RAMAC: variants seen among roughly 807,000 people sequenced by gnomAD.
RAMAC encodes RNA guanine-N7 methyltransferase activating subunit.
In RAMAC, 11 loss-of-function variants were observed where a neutral mutation model predicts 17.9. The ratio of observed to expected loss-of-function variants is 0.61; its 90% CI spans 0.39 to 1.02. RAMAC has a LOEUF of 1.02. Among genes scored for constraint, RAMAC ranks in the 50% least tolerant of loss-of-function variants. The pLI is 0.01. For missense variants in RAMAC, 109 were observed against 144.0 expected (o/e 0.76, Z 1.25); for synonymous variants, 27 against 48.4 (o/e 0.56, Z 1.84).
At chr15:82,989,302 AG>A in intron 3 of RAMAC, 114 bp downstream of exon 3, 1 of 925,294 alleles carries the variant, frequency 1.1e-6, no homozygotes, top group Non-Finnish European at 1.6e-6. Context: ...TGGCATACCT[AG>A]TACCTAATAA....
At chr15:82,986,866 T>G (rs1348060876) in intron 1 of RAMAC, among the ~76,000 whole-genome samples, 1 of 152,240 alleles carries the variant, frequency 6.6e-6, no homozygotes, top group Non-Finnish European at 1.5e-5. Flanking sequence ...TGTAGCTTCT[T>G]GCTCTTGAGA....
At chr15:82,986,610 T>G (rs2030622675) in intron 1 of RAMAC, among the ~76,000 whole-genome samples, 1 of 152,128 alleles carries the variant, frequency 6.6e-6, no homozygotes, top group South Asian at 2.1e-4. Context: ...AACGCAGTTG[T>G]TTTCAGTCTG....
At chr15:82,989,236 A>G in intron 3 of RAMAC, 48 bp downstream of exon 3, 3 of 1,590,666 alleles carry the variant, frequency 1.9e-6, no homozygotes, top group Non-Finnish European at 2.6e-6. Flanking sequence ...GGCAGAGGAT[A>G]GCTTTAATCT....
intron 2 of RAMAC, among the ~76,000 whole-genome samples, chr15:82,988,163 C>A (rs2030704600): frequency 6.6e-6 from 1 of 151,844 alleles, no homozygotes; most frequent in South Asian, 2.1e-4. Context: ...AACCCCATCT[C>A]TACTAAAAAT....
intron 3 of RAMAC, 32 bp from the exon 4 acceptor site, chr15:82,989,849 G>T: frequency 6.2e-7 from 1 of 1,605,154 alleles, no homozygotes. Context: ...AACAAGGGAA[G>T]TTTAAAGATC....
At chr15:82,987,146 T>G (rs2030651006) in intron 1 of RAMAC, among the ~76,000 whole-genome samples, 190 bp from the exon 2 acceptor site, 1 of 152,160 alleles carries the variant, frequency 6.6e-6, no homozygotes, top group African/African-American at 2.4e-5. Context: ...CTCGATCTCT[T>G]GACTTCGTGA....
rs1242189578 is a variant in RAMAC at position 82,990,972 on chromosome 15, C to T, written c.*905C>T. ...GCTATAAACTTCCTTTCACAGAGAT[C>T]ATTCTATTTCAAATCACTTTAATGA... On this transcript the variant is annotated 3_prime_UTR_variant, in exon 4 of 4. Coordinates refer to ENST00000304191, the MANE Select transcript of RAMAC (RefSeq NM_031452.4). 2.7e-5 allele frequency: 6 copies of T among 225,472 alleles called. No homozygotes were observed. The highest frequency in any genetic ancestry group is 5.1e-5 in the Non-Finnish European group (6 of 116,570). The allele number at this position is 225,472 out of a possible 1,614,324, so 14.0% of individuals were successfully genotyped here. A position where few individuals can be genotyped will look rare whatever the true frequency, so the allele number is the denominator to read the frequency against.
rs201913813 is a variant in RAMAC at position 82,990,111 on chromosome 15, C to T, written c.*44C>T. The T allele has an allele frequency of 4.1e-4, 387 of 934,886 alleles. 1 individual carries two copies. In the African/African-American group the frequency reaches 6.4e-3, roughly 16 times the overall value. 57.9% of individuals were successfully genotyped at this position (934,886 alleles called of 1,614,324 possible). A position where few individuals can be genotyped will look rare whatever the true frequency, so the allele number is the denominator to read the frequency against. On this transcript the variant is annotated 3_prime_UTR_variant, in exon 4 of 4. Transcript: ENST00000304191. ...TTAGTAAAAGCATTTACTCTGTTAC[C>T]ATGAGAAAAGTTTGGGTGTCTTCTG...
At position 82,990,409 on chromosome 15, in the gene RAMAC, AAG is replaced by A. The variant is rs1276006749; in HGVS notation, c.*347_*348del. 5 of 425,530 alleles carry A rather than the reference AAG, an allele frequency of 1.2e-5. No homozygotes were observed. Among genetic ancestry groups the A allele is most frequent in the Non-Finnish European group, 2.0e-5 (5 of 252,102 alleles). 26.4% of individuals were successfully genotyped at this position (425,530 alleles called of 1,614,324 possible). ...AGAAAATGCTTTTACTTTGTAAGGT[AAG>A]AGAGTATCCATATGCTTAGATGTGC... On this transcript the variant is annotated 3_prime_UTR_variant, in exon 4 of 4. Coordinates refer to ENST00000304191, the MANE Select transcript of RAMAC (RefSeq NM_031452.4).
Position 82,990,863 on chromosome 15 carries a change from G to T in RAMAC, c.*796G>T. 4.1e-6 allele frequency: 2 copies of T among 483,792 alleles called. No homozygotes were observed. The highest frequency in any genetic ancestry group is 7.4e-6 in the Non-Finnish European group (2 of 270,758). 30.0% of individuals were successfully genotyped at this position (483,792 alleles called of 1,614,324 possible). On this transcript the variant is annotated 3_prime_UTR_variant, in exon 4 of 4. Coordinates refer to ENST00000304191, the MANE Select transcript of RAMAC (RefSeq NM_031452.4). ...GCATTTTGATGGTTCTTACTTTTTT[G>T]GTATTTAATGTGGGCTGATTTTACA...
In RAMAC at chr15:82,990,718, G is replaced by A; in HGVS notation, c.*651G>A. 1 of 1,334,830 alleles carries A rather than the reference G, an allele frequency of 7.5e-7. No homozygotes were observed. Among genetic ancestry groups the A allele is most frequent in the South Asian group, 1.3e-5 (1 of 78,922 alleles). 82.7% of individuals were successfully genotyped at this position (1,334,830 alleles called of 1,614,324 possible). A position where few individuals can be genotyped will look rare whatever the true frequency, so the allele number is the denominator to read the frequency against. On this transcript the variant is annotated 3_prime_UTR_variant, in exon 4 of 4. Coordinates refer to ENST00000304191, the MANE Select transcript of RAMAC (RefSeq NM_031452.4). ...TTGATCTGGTGGTGGTTGGGATAAG[G>A]GTACACATCATTTTATACAAACACT...
At chr15:82,988,952 T>G in intron 2 of RAMAC, 58 bp from the exon 3 acceptor site, 17 of 1,485,096 alleles carry the variant, frequency 1.1e-5, no homozygotes, top group Non-Finnish European at 1.5e-5. Flanking sequence ...TTTCATTATT[T>G]GGAGAGAGTG....
At chr15:82,989,776 A>AT in intron 3 of RAMAC, 105 bp from the exon 4 acceptor site, 26 of 1,368,924 alleles carry the variant, frequency 1.9e-5, no homozygotes, top group Non-Finnish European at 2.6e-5. Context: ...TTTTAGTCTT[A>AT]TTTATTGTGT....
Position 82,990,880 on chromosome 15 carries a change from G to T in RAMAC, c.*813G>T. The T allele has an allele frequency of 2.1e-6, 1 of 465,158 alleles. No homozygotes were observed. The highest frequency in any genetic ancestry group is 3.9e-6 in the Non-Finnish European group (1 of 259,596). 28.8% of individuals were successfully genotyped at this position (465,158 alleles called of 1,614,324 possible). A position where few individuals can be genotyped will look rare whatever the true frequency, so the allele number is the denominator to read the frequency against. On this transcript the variant is annotated 3_prime_UTR_variant, in exon 4 of 4. Coordinates refer to ENST00000304191, the MANE Select transcript of RAMAC (RefSeq NM_031452.4). ...ACTTTTTTGGTATTTAATGTGGGCT[G>T]ATTTTACAATGTTATATTCACTTCC...
rs891385950 is a variant in RAMAC, at chr15:82,990,838, G to A, written c.*771G>A. 2.0e-6 allele frequency: 1 copy of A among 505,162 alleles called. No individual in the cohort carries two copies. Among genetic ancestry groups the A allele is most frequent in the East Asian group, 3.0e-5 (1 of 33,886 alleles). The allele number at this position is 505,162 out of a possible 1,614,324, so 31.3% of individuals were successfully genotyped here. On this transcript the variant is annotated 3_prime_UTR_variant, in exon 4 of 4. Transcript: ENST00000304191. ...ACTTTTTAATCCTGTAAATAATGCTGCATTTTGATGGTTCTTACTTTTTTG... is the reference window on the plus strand; with the variant it reads ...ACTTTTTAATCCTGTAAATAATGCTACATTTTGATGGTTCTTACTTTTTTG...
intron 2 of RAMAC, among the ~76,000 whole-genome samples, chr15:82,988,285 G>A (rs887673717): frequency 1.3e-5 from 2 of 152,142 alleles, no homozygotes; most frequent in African/African-American, 4.8e-5. Flanking sequence ...TGCTGAGATC[G>A]CGCCATTGCA....
chr15:82,988,583 A>T (rs1175955864), intron 2 of RAMAC: 1 of 315,748 alleles, frequency 3.2e-6, no homozygotes. Context: ...CATGCCTGTA[A>T]TCCCAGCACT....
In RAMAC at chr15:82,990,889, A is replaced by G. The variant is rs928723543; in HGVS notation, c.*822A>G. Reference sequence around the variant, plus strand: ...GTATTTAATGTGGGCTGATTTTACAATGTTATATTCACTTCCAGATGCATA... The same window carrying G: ...GTATTTAATGTGGGCTGATTTTACAGTGTTATATTCACTTCCAGATGCATA... On this transcript the variant is annotated 3_prime_UTR_variant, in exon 4 of 4. Coordinates refer to ENST00000304191, the MANE Select transcript of RAMAC (RefSeq NM_031452.4). 1.3e-5 allele frequency: 6 copies of G among 455,560 alleles called. No individual in the cohort carries two copies. The highest frequency in any genetic ancestry group is 2.4e-5 in the Non-Finnish European group (6 of 253,930). The allele number at this position is 455,560 out of a possible 1,614,324, so 28.2% of individuals were successfully genotyped here. A position where few individuals can be genotyped will look rare whatever the true frequency, so the allele number is the denominator to read the frequency against.
chr15:82,988,213 C>G (rs2030706961), intron 2 of RAMAC, among the ~76,000 whole-genome samples: 1 of 151,838 alleles, frequency 6.6e-6, no homozygotes, highest in Non-Finnish European at 1.5e-5. Flanking sequence ...GCCTGTAATC[C>G]CAGCTACTTG....
Sources: allele counts gnomAD v4.1 joint callset (sites outside exome capture counted in the v4.1 genomes callset), GRCh38; gene constraint gnomAD v4.1.1; transcripts MANE v1.5; gene names NCBI Gene and HGNC (gene_info 2026-07-23, HGNC 2026-07-21).